RAB37: variants seen among roughly 807,000 people sequenced by gnomAD.
RAB37 encodes the protein ras-related protein Rab-37.
RAB37 carries 29 observed loss-of-function variants against 33.1 expected under a neutral mutation model. That is an observed-to-expected ratio of 0.88 (90% CI 0.65 to 1.20). RAB37 has a LOEUF of 1.20. Ranked by LOEUF, RAB37 falls within the 50% of genes most tolerant of loss-of-function variation. The pLI, the probability that RAB37 is intolerant of heterozygous loss-of-function variation, is 0.00. For missense variants in RAB37, 299 were observed against 301.1 expected, an observed-to-expected ratio of 0.99 and a Z score of 0.05; for synonymous variants, 128 against 119.5, an observed-to-expected ratio of 1.07 and a Z score of -0.47.
At chr17:74,672,369 C>A (rs1208565604) in intron 1 of RAB37, among the ~76,000 whole-genome samples, 1 of 152,156 alleles carries the variant, frequency 6.6e-6, no homozygotes, top group Non-Finnish European at 1.5e-5. Context: ...TATTATGGCT[C>A]ACCTTCCTTT....
At chr17:74,718,316 CATCATATCATATCAT>C (rs57513588) in intron 1 of RAB37, among the ~76,000 whole-genome samples, 126 of 147,700 alleles carry the variant, frequency 8.5e-4, no homozygotes, top group East Asian at 1.2e-3. Flanking sequence ...TCATATCATA[CATCATATCATATCAT>C]ATCATATCAT....
At position 74,744,218 on chromosome 17, in the gene RAB37, A is replaced by C; in HGVS notation, c.367-90A>C. The C allele has an allele frequency of 8.2e-7, 1 of 1,216,840 alleles. No homozygotes were observed. The allele number at this position is 1,216,840 out of a possible 1,614,324, so 75.4% of individuals were successfully genotyped here. On this transcript the variant is annotated intron_variant, in intron 5 of 8. Coordinates refer to ENST00000392613, the MANE Select transcript of RAB37 (RefSeq NM_001006638.3). This position sits in a 1 kb window ranked among gnomAD's most constrained non-coding sequence, Gnocchi z 4.2. ...ACGCACAGGGTATCGTGTTCAAGGT[A>C]GTGAGTAACTGAGGATAGTCAAACG...
At chr17:74,706,343 C>A (rs1395966427) in intron 1 of RAB37, among the ~76,000 whole-genome samples, 4 of 135,012 alleles carry the variant, frequency 3.0e-5, no homozygotes, top group Non-Finnish European at 6.4e-5. Context: ...TGTGCCTGGC[C>A]TTTTTTTTTT....
chr17:74,680,212 T>A (rs2031925279), intron 1 of RAB37, among the ~76,000 whole-genome samples: 1 of 151,924 alleles, frequency 6.6e-6, no homozygotes, highest in Non-Finnish European at 1.5e-5. Context: ...TTGCCTATAG[T>A]CAAATCCAAG....
chr17:74,698,206 C>G (rs960558163), intron 1 of RAB37, among the ~76,000 whole-genome samples: 1 of 152,110 alleles, frequency 6.6e-6, no homozygotes, highest in African/African-American at 2.4e-5. Flanking sequence ...CCTGCAAGCT[C>G]CAGGGCGCCC....
rs908081717 is a variant in RAB37, at chr17:74,671,464, G to T, written c.-123G>T. 1.1e-6 allele frequency: 1 copy of T among 881,062 alleles called. No homozygotes were observed. The allele number at this position is 881,062 out of a possible 1,614,324, so 54.6% of individuals were successfully genotyped here. ...GGGGAACTGTCCAGTGCTGAAAACG[G>T]ATGCGGCCCGGCCCGCAGAGCTCAG... On this transcript the variant is annotated 5_prime_UTR_variant, in exon 1 of 8. Transcript: ENST00000340415. This position sits in a 1 kb window ranked among gnomAD's most constrained non-coding sequence, Gnocchi z 5.0.
At position 74,671,543 on chromosome 17, in the gene RAB37, C is replaced by T; in HGVS notation, c.-44C>T. 6.3e-7 allele frequency: 1 copy of T among 1,598,750 alleles called. No individual in the cohort carries two copies. The highest frequency in any genetic ancestry group is 8.6e-7 in the Non-Finnish European group (1 of 1,166,944). ...CGAACCGAGCTCCTGGAAGCGCTGA[C>T]GCAGAGCGCAGGGAGAGCCGGAGCG... On this transcript the variant is annotated 5_prime_UTR_variant, in exon 1 of 8. Transcript: ENST00000340415. The surrounding 1 kb of genome is among the most constrained non-coding windows in gnomAD (Gnocchi z 5.0).
Position 74,744,489 on chromosome 17 carries a change from T to C in RAB37, c.432+116T>C, listed in dbSNP as rs990975608. The C allele has an allele frequency of 1.1e-5, 11 of 975,806 alleles. No homozygotes were observed. Among genetic ancestry groups the C allele is most frequent in the Admixed American group, 2.0e-5 (1 of 51,018 alleles). 60.4% of individuals were successfully genotyped at this position (975,806 alleles called of 1,614,324 possible). A position where few individuals can be genotyped will look rare whatever the true frequency, so the allele number is the denominator to read the frequency against. ...CCTTCCTGAAAAGGACTCTGCAGCC[T>C]CCAGCTCAGGGGTCAGACATATCTG... is the stretch of plus-strand genomic sequence containing the variant. On this transcript the variant is annotated intron_variant, in intron 6 of 8. Transcript: ENST00000392613. This position sits in a 1 kb window ranked among gnomAD's most constrained non-coding sequence, Gnocchi z 4.2.
intron 1 of RAB37, among the ~76,000 whole-genome samples, chr17:74,693,823 G>C (rs2032215651): frequency 6.6e-6 from 1 of 151,978 alleles, no homozygotes; most frequent in South Asian, 2.1e-4. Context: ...CAGCTACTTG[G>C]GAGACTGAGG....
intron 1 of RAB37, chr17:74,703,238 G>C: frequency 1.0e-6 from 1 of 997,840 alleles, no homozygotes; most frequent in Non-Finnish European, 1.5e-6. Context: ...CTGGGCGGGG[G>C]TCTGGACTGC....
intron 1 of RAB37, among the ~76,000 whole-genome samples, chr17:74,716,705 G>T (rs1221301451): frequency 2.6e-5 from 4 of 151,084 alleles, no homozygotes; most frequent in South Asian, 4.2e-4. Context: ...CAGGGAGGGG[G>T]CAGAGAAAGA....
rs544403857 is a variant in RAB37, at chr17:74,674,800, T to A, written c.72+3142T>A. 2.0e-5 allele frequency among the ~76,000 whole-genome samples: 3 copies of A among 152,284 alleles called. No individual in the cohort carries two copies. The South Asian group carries it at 6.2e-4, about 32-fold the overall frequency. On this transcript the variant is annotated intron_variant, in intron 1 of 7. Transcript: ENST00000340415. ...CTATCAAGAGAAAGAAATAGAACCT[T>A]GTCAGCTTCCCAAGAGGCCCCCTCC...
chr17:74,704,477 C>T, intron 1 of RAB37: 1 of 1,607,216 alleles, frequency 6.2e-7, no homozygotes, highest in Non-Finnish European at 8.5e-7. Context: ...CTCCCTCTTA[C>T]CTGGGTCAAT....
At chr17:74,697,905 A>G (rs2032651675) in intron 1 of RAB37, among the ~76,000 whole-genome samples, 1 of 152,156 alleles carries the variant, frequency 6.6e-6, no homozygotes, top group South Asian at 2.1e-4. Flanking sequence ...TGTGGGATCC[A>G]TGCAGTGTGT....
rs570854045 is a variant in RAB37, at chr17:74,729,039, A to G, written c.73-217A>G. On this transcript the variant is annotated intron_variant, in intron 1 of 7. Coordinates refer to the RAB37 transcript ENST00000340415. This position sits in a 1 kb window ranked among gnomAD's most constrained non-coding sequence, Gnocchi z 4.2. The stretch of plus-strand genomic sequence containing the variant: ...GTATGTGTGTTCTGTGTGTGCATAT[A>G]TGTTTGTGTGTGCATGGGTGTTCTG... 1.3e-5 allele frequency among the ~76,000 whole-genome samples: 2 copies of G among 150,558 alleles called. No homozygotes were observed. Among genetic ancestry groups the G allele is most frequent in the Non-Finnish European group, 3.0e-5 (2 of 67,630 alleles).
chr17:74,728,923 A>G (rs940049390), intron 1 of RAB37, among the ~76,000 whole-genome samples: 4 of 149,280 alleles, frequency 2.7e-5, no homozygotes, highest in African/African-American at 1.0e-4. Context: ...TGTCTTGTGC[A>G]TGTATGTTTC....
At chr17:74,700,785 G>C (rs543910792) in intron 1 of RAB37, among the ~76,000 whole-genome samples, 37 of 152,128 alleles carry the variant, frequency 2.4e-4, no homozygotes, top group African/African-American at 8.2e-4. Context: ...ACTGTTGTGG[G>C]CTGGGCTGGA....
chr17:74,687,429 G>A (rs2143493711), intron 1 of RAB37, among the ~76,000 whole-genome samples: 1 of 152,014 alleles, frequency 6.6e-6, no homozygotes, highest in Admixed American at 6.6e-5. Flanking sequence ...TCACCATGTT[G>A]GCCAAGCTGG....
At chr17:74,680,756 C>G (rs1262644505) in intron 1 of RAB37, among the ~76,000 whole-genome samples, 1 of 152,172 alleles carries the variant, frequency 6.6e-6, no homozygotes, top group African/African-American at 2.4e-5. Context: ...TGAGAATTCC[C>G]TGGACTTGAC....
Sources: allele counts gnomAD v4.1 joint callset (sites outside exome capture counted in the v4.1 genomes callset), GRCh38; gene constraint gnomAD v4.1.1; non-coding constraint Gnocchi (gnomAD v3.1); transcripts MANE v1.5; gene names NCBI Gene and HGNC (gene_info 2026-07-23, HGNC 2026-07-21).